RPS6KC1: variants seen among roughly 807,000 people sequenced by gnomAD.
RPS6KC1 encodes the protein ribosomal protein S6 kinase C1, also known as inactive ribosomal protein S6 kinase delta-1.
In RPS6KC1, 54 loss-of-function variants were observed where a neutral mutation model predicts 103.8. That is an observed-to-expected ratio of 0.52 (90% CI 0.42 to 0.65). RPS6KC1 has a LOEUF of 0.65. Among genes scored for constraint, RPS6KC1 ranks in the 30% least tolerant of loss-of-function variants. The pLI, the probability that RPS6KC1 is intolerant of heterozygous loss-of-function variation, is 0.00. For synonymous variants in RPS6KC1, 439 were observed against 438.7 expected (o/e 1.00, Z -0.01); for missense variants, 1,151 against 1,253.8 (o/e 0.92, Z 1.24).
At chr1:213,683,293 A>AT in the RPS6KC1 span, among the ~76,000 whole-genome samples, 38 of 152,120 alleles carry the variant, frequency 2.5e-4, no homozygotes, top group Non-Finnish European at 4.4e-4. Flanking sequence ...TCCTGTCATG[A>AT]TTTTTTGAAT....
chr1:213,414,025 C>T, the RPS6KC1 span, among the ~76,000 whole-genome samples: 3 of 152,208 alleles, frequency 2.0e-5, no homozygotes, highest in African/African-American at 7.2e-5. Context: ...GGGGTCTTCA[C>T]TTTCAGTTTC....
At chr1:213,744,497 G>A in the RPS6KC1 span, among the ~76,000 whole-genome samples, 1 of 152,168 alleles carries the variant, frequency 6.6e-6, no homozygotes, top group Non-Finnish European at 1.5e-5. Context: ...TTCTTATGTG[G>A]AAGTTCTGAA....
the RPS6KC1 span, among the ~76,000 whole-genome samples, chr1:213,476,433 ACT>A: frequency 1.3e-5 from 2 of 152,138 alleles, no homozygotes; most frequent in Non-Finnish European, 2.9e-5. Context: ...TTCATGAAAC[ACT>A]CTGAGTGAAT....
chr1:213,796,739 G>A, the RPS6KC1 span, among the ~76,000 whole-genome samples: 1 of 152,152 alleles, frequency 6.6e-6, no homozygotes, highest in Non-Finnish European at 1.5e-5. Context: ...TGCCAACACG[G>A]CTGTGTCAAA....
intron 8 of RPS6KC1, among the ~76,000 whole-genome samples, chr1:213,181,253 A>G (rs1226316234): frequency 2.0e-5 from 3 of 152,220 alleles, no homozygotes; most frequent in Admixed American, 2.0e-4. Context: ...GTATATCTGG[A>G]TCGCCCAAAT....
chr1:213,355,111 A>G, the RPS6KC1 span, among the ~76,000 whole-genome samples: 1 of 152,124 alleles, frequency 6.6e-6, no homozygotes, highest in Non-Finnish European at 1.5e-5. Context: ...CCAGCTACTC[A>G]GGAGGCTGAG....
the RPS6KC1 span, among the ~76,000 whole-genome samples, chr1:213,566,460 T>TGGA: frequency 4.5e-4 from 16 of 35,596 alleles, no homozygotes; most frequent in Non-Finnish European, 5.6e-4. Context: ...TTTTTTTTTT[T>TGGA]TTTTTTTTTT....
the RPS6KC1 span, among the ~76,000 whole-genome samples, chr1:213,617,907 T>A: frequency 6.6e-6 from 1 of 152,204 alleles, no homozygotes; most frequent in South Asian, 2.1e-4. Context: ...CTTCTCAGAA[T>A]GAAAAATGTG....
At chr1:213,746,056 C>G in the RPS6KC1 span, among the ~76,000 whole-genome samples, 1 of 152,172 alleles carries the variant, frequency 6.6e-6, no homozygotes, top group Non-Finnish European at 1.5e-5. Flanking sequence ...AGGAGCTTAG[C>G]TTGCCTCAGT....
chr1:213,359,381 T>C, the RPS6KC1 span, among the ~76,000 whole-genome samples: 106 of 151,890 alleles, frequency 7.0e-4, no homozygotes, highest in African/African-American at 2.4e-3. Flanking sequence ...ATTGCAACCC[T>C]TGCCTTTTTT....
At chr1:213,068,875 G>A (rs201111347) in intron 1 of RPS6KC1, among the ~76,000 whole-genome samples, 1 of 12,850 alleles carries the variant, frequency 7.8e-5, no homozygotes, top group East Asian at 1.3e-3. Context: ...GTGTATATAT[G>A]TGTGTGTGTG....
the RPS6KC1 span, among the ~76,000 whole-genome samples, chr1:213,734,094 AT>A: frequency 6.6e-6 from 1 of 152,198 alleles, no homozygotes; most frequent in Non-Finnish European, 1.5e-5. Flanking sequence ...AAAAGTGATT[AT>A]TGCTAATTTA....
At chr1:213,804,929 A>G in the RPS6KC1 span, among the ~76,000 whole-genome samples, 2 of 152,242 alleles carry the variant, frequency 1.3e-5, no homozygotes, top group South Asian at 4.1e-4. Flanking sequence ...CTTTCAGACC[A>G]CTGCAATAAA....
chr1:213,664,713 A>G, the RPS6KC1 span, among the ~76,000 whole-genome samples: 1 of 152,218 alleles, frequency 6.6e-6, no homozygotes, highest in Non-Finnish European at 1.5e-5. Flanking sequence ...TCCATGTTGC[A>G]TGGCCTCCTT....
At chr1:213,441,411 A>C in the RPS6KC1 span, among the ~76,000 whole-genome samples, 2 of 152,176 alleles carry the variant, frequency 1.3e-5, no homozygotes, top group East Asian at 3.8e-4. Flanking sequence ...CAATTGTTTC[A>C]GGTTCCACAT....
the RPS6KC1 span, among the ~76,000 whole-genome samples, chr1:213,830,898 T>A: frequency 6.6e-6 from 1 of 152,158 alleles, no homozygotes; most frequent in Non-Finnish European, 1.5e-5. Flanking sequence ...AGCTACAAGA[T>A]GCTGCTGTTG....
chr1:213,819,772 G>A, the RPS6KC1 span: 2 of 152,200 alleles, frequency 1.3e-5, no homozygotes, highest in Non-Finnish European at 2.9e-5. Context: ...ATACCACCAA[G>A]CCTTGTGTGT....
chr1:213,075,292 C>T (rs1265047967), intron 2 of RPS6KC1, among the ~76,000 whole-genome samples: 2 of 152,138 alleles, frequency 1.3e-5, no homozygotes, highest in East Asian at 3.8e-4. Context: ...GTACTGCTTA[C>T]ATAAGCCCAT....
At chr1:213,297,892 C>T in the RPS6KC1 span, among the ~76,000 whole-genome samples, 1 of 152,226 alleles carries the variant, frequency 6.6e-6, no homozygotes, top group Non-Finnish European at 1.5e-5. Context: ...GCTGGCATTA[C>T]AGGTGTAAGC....
Sources: allele counts gnomAD v4.1 joint callset (sites outside exome capture counted in the v4.1 genomes callset), GRCh38; gene constraint gnomAD v4.1.1; transcripts MANE v1.5; gene names NCBI Gene and HGNC (gene_info 2026-07-23, HGNC 2026-07-21).